PRKN: variants seen among roughly 807,000 people sequenced by gnomAD.
PRKN encodes the protein E3 ubiquitin-protein ligase parkin.
In PRKN, 56 loss-of-function variants were observed where a neutral mutation model predicts 59.5. The ratio of observed to expected loss-of-function variants is 0.94; its 90% CI spans 0.76 to 1.18. The LOEUF (loss-of-function observed/expected upper bound fraction) is 1.18, where lower values mean the gene tolerates loss of function less well. PRKN is among the 50% of genes most tolerant of loss of function. PRKN has a pLI of 0.00. For missense variants in PRKN, 657 were observed against 596.4 expected, an observed-to-expected ratio of 1.10 and a Z score of -1.06; for synonymous variants, 250 against 222.1, an observed-to-expected ratio of 1.13 and a Z score of -1.12.
intron 2 of PRKN, among the ~76,000 whole-genome samples, chr6:162,431,640 A>T (rs1789534970): frequency 6.6e-6 from 1 of 152,204 alleles, no homozygotes; most frequent in Non-Finnish European, 1.5e-5. Flanking sequence ...TTAAAGAAAC[A>T]GACTGATATT....
intron 6 of PRKN, among the ~76,000 whole-genome samples, chr6:161,859,179 T>G: frequency 6.6e-6 from 1 of 151,366 alleles, no homozygotes; most frequent in East Asian, 2.0e-4. Context: ...ACAGCGATAC[T>G]TTTTGACTAA....
rs1028854238 is a variant in PRKN, at chr6:161,385,070, C to T, written c.1167+1724G>A. ...TCAGCCTCCTGAATAGCTGGGATTA[C>T]AGGTGCACGCCACCACACCCAGCTA... On this transcript the variant is annotated intron_variant, in intron 10 of 11. Transcript: ENST00000366898. This position sits in a 1 kb window ranked among gnomAD's most constrained non-coding sequence, Gnocchi z 4.9. 6.6e-6 allele frequency among the ~76,000 whole-genome samples: 1 copy of T among 152,094 alleles called. No homozygotes were observed. Among genetic ancestry groups the T allele is most frequent in the African/African-American group, 2.4e-5 (1 of 41,404 alleles).
intron 2 of PRKN, among the ~76,000 whole-genome samples, chr6:162,410,313 A>T (rs1228052015): frequency 1.3e-5 from 2 of 152,080 alleles, no homozygotes; most frequent in Non-Finnish European, 2.9e-5. Context: ...CACCCTGACC[A>T]GAGTTTGCCC....
chr6:161,927,408 A>G (rs1043450328), intron 6 of PRKN, among the ~76,000 whole-genome samples: 1 of 152,210 alleles, frequency 6.6e-6, no homozygotes, highest in Non-Finnish European at 1.5e-5. Context: ...TACAAACACT[A>G]CATTAACTTA....
chr6:162,624,938 A>G (rs1017696780), intron 1 of PRKN, among the ~76,000 whole-genome samples: 1 of 152,202 alleles, frequency 6.6e-6, no homozygotes, highest in Non-Finnish European at 1.5e-5. Context: ...TAAATACCTA[A>G]GTGAGGAAAA....
chr6:161,653,339 G>A (rs1005775424), intron 7 of PRKN, among the ~76,000 whole-genome samples: 21 of 152,018 alleles, frequency 1.4e-4, no homozygotes, highest in Non-Finnish European at 2.4e-4. Flanking sequence ...ACTCCAGCCT[G>A]GCAACAGAGT....
chr6:161,367,687 T>C (rs2114883048), intron 10 of PRKN, among the ~76,000 whole-genome samples: 2 of 152,248 alleles, frequency 1.3e-5, no homozygotes, highest in East Asian at 3.9e-4. Context: ...CAGAGCTGTG[T>C]AGGCATGGCG....
Position 161,608,699 on chromosome 6 carries a change from A to ATT in PRKN, c.872-39285_872-39284dup, listed in dbSNP as rs939205505. On this transcript the variant is annotated intron_variant, in intron 7 of 11. Coordinates refer to ENST00000366898, the MANE Select transcript of PRKN (RefSeq NM_004562.3). ...AGGTGTGTGCCACCACGCCCGGCTA[A>ATT]TTTTTTTTTTTTTAATTTTTAGTAG... Among the ~76,000 whole-genome samples, 100 of 145,592 alleles carry ATT rather than the reference A, an allele frequency of 6.9e-4. 1 individual carries two copies. The highest frequency in any genetic ancestry group is 2.4e-3 in the African/African-American group (96 of 39,866).
At chr6:161,836,211 C>T (rs1029268145) in intron 6 of PRKN, among the ~76,000 whole-genome samples, 5 of 152,078 alleles carry the variant, frequency 3.3e-5, no homozygotes, top group African/African-American at 9.7e-5. Context: ...CAGTAGTATT[C>T]GCTTGCTTTC....
Position 162,414,572 on chromosome 6 carries a change from A to G in PRKN, c.171+28738T>C, listed in dbSNP as rs144709461. On this transcript the variant is annotated intron_variant, in intron 2 of 11. Coordinates refer to ENST00000366898, the MANE Select transcript of PRKN (RefSeq NM_004562.3). ...AATACAAAAAAAAAATTAGCCGCGC[A>G]TGGTTGGTGGTGCCTGTAGTCCCAG... Among the ~76,000 whole-genome samples, 214 of 151,170 alleles carry G rather than the reference A, an allele frequency of 1.4e-3. 1 individual carries two copies. Among genetic ancestry groups the G allele is most frequent in the African/African-American group, 4.9e-3 (200 of 41,176 alleles).
intron 9 of PRKN, among the ~76,000 whole-genome samples, chr6:161,486,719 C>T (rs1293821286): frequency 6.6e-6 from 1 of 152,090 alleles, no homozygotes; most frequent in African/African-American, 2.4e-5. Context: ...TGTTAATTGC[C>T]CTTTCATAAA....
intron 7 of PRKN, among the ~76,000 whole-genome samples, chr6:161,641,798 G>A (rs1035996745): frequency 3.9e-5 from 6 of 152,162 alleles, no homozygotes; most frequent in African/African-American, 9.7e-5. Context: ...GCCCTGTGGC[G>A]CTTAAAGCTT....
chr6:161,439,229 C>T (rs1462667023), intron 9 of PRKN, among the ~76,000 whole-genome samples: 2 of 152,254 alleles, frequency 1.3e-5, no homozygotes, highest in South Asian at 4.2e-4. Flanking sequence ...ACTCATTAGT[C>T]CCGGGCTCAC....
rs916124335 is a variant in PRKN, at chr6:161,549,431, A to T, written c.934-428T>A. On this transcript the variant is annotated intron_variant, in intron 8 of 11. Coordinates refer to ENST00000366898, the MANE Select transcript of PRKN (RefSeq NM_004562.3). This position sits in a 1 kb window ranked among gnomAD's most constrained non-coding sequence, Gnocchi z 6.0. ...TAAAGCAATATATTGTCATGCCTCTATTTAAAATTCAACAAGGTTTTATAT... is the reference window on the plus strand; with the variant it reads ...TAAAGCAATATATTGTCATGCCTCTTTTTAAAATTCAACAAGGTTTTATAT... Among the ~76,000 whole-genome samples, 3 of 152,318 alleles carry T rather than the reference A, an allele frequency of 2.0e-5. No homozygotes were observed. The highest frequency in any genetic ancestry group is 6.5e-5 in the Admixed American group (1 of 15,302).
At chr6:162,179,836 C>G (rs1234396927) in intron 4 of PRKN, among the ~76,000 whole-genome samples, 1 of 152,020 alleles carries the variant, frequency 6.6e-6, no homozygotes, top group African/African-American at 2.4e-5. Flanking sequence ...TAAACACTAC[C>G]AAGCAGCAAA....
chr6:161,756,170 G>A (rs978681520), intron 7 of PRKN, among the ~76,000 whole-genome samples: 14 of 152,008 alleles, frequency 9.2e-5, no homozygotes, highest in African/African-American at 2.7e-4. Context: ...GGCCAGACGC[G>A]GTGGCTCATG....
intron 7 of PRKN, among the ~76,000 whole-genome samples, chr6:161,603,513 C>T (rs1449941831): frequency 6.6e-6 from 1 of 152,228 alleles, no homozygotes; most frequent in African/African-American, 2.4e-5. Context: ...ACTGTTTGCG[C>T]ACATAAGCTG....
chr6:162,198,568 G>A (rs994367334), intron 4 of PRKN, among the ~76,000 whole-genome samples: 3 of 151,836 alleles, frequency 2.0e-5, no homozygotes, highest in Middle Eastern at 3.2e-3. Context: ...AGTACTCTTC[G>A]TAAATGAGCT....
intron 4 of PRKN, among the ~76,000 whole-genome samples, chr6:162,134,804 T>C (rs1458444671): frequency 1.3e-5 from 2 of 152,166 alleles, no homozygotes; most frequent in African/African-American, 4.8e-5. Flanking sequence ...CAGCTCATTC[T>C]TCTGGTAAGT....
Sources: allele counts gnomAD v4.1 joint callset (sites outside exome capture counted in the v4.1 genomes callset), GRCh38; gene constraint gnomAD v4.1.1; non-coding constraint Gnocchi (gnomAD v3.1); transcripts MANE v1.5; gene names NCBI Gene and HGNC (gene_info 2026-07-23, HGNC 2026-07-21).